Variants in OPCML observed in about 807,000 individuals in gnomAD.
OPCML encodes opioid-binding protein/cell adhesion molecule.
In OPCML, 13 loss-of-function variants were observed where a neutral mutation model predicts 37.8. The ratio of observed to expected loss-of-function variants is 0.34; its 90% CI spans 0.22 to 0.55. The LOEUF (loss-of-function observed/expected upper bound fraction) is 0.55. Ranked by LOEUF, OPCML falls within the 20% of genes least tolerant of loss-of-function variation. The probability of loss-of-function intolerance (pLI) is 0.91; values close to 1 mark genes in which losing one functional copy is unlikely to be tolerated. For synonymous variants in OPCML, 176 were observed against 168.8 expected, an observed-to-expected ratio of 1.04 and a Z score of -0.33; for missense variants, 341 against 435.6, an observed-to-expected ratio of 0.78 and a Z score of 1.93.
At chr11:133,373,295 G>A (rs1944716261) in intron 1 of OPCML, among the ~76,000 whole-genome samples, 1 of 151,612 alleles carries the variant, frequency 6.6e-6, no homozygotes, top group African/African-American at 2.4e-5. Flanking sequence ...AGCCGCAGGG[G>A]CTCACACCTG....
intron 1 of OPCML, among the ~76,000 whole-genome samples, chr11:133,356,523 A>G (rs1565589939): frequency 6.6e-6 from 1 of 152,186 alleles, no homozygotes; most frequent in Non-Finnish European, 1.5e-5. Flanking sequence ...CACCATGTGG[A>G]CAGAGGATCC....
chr11:132,683,404 G>T (rs977051858), intron 2 of OPCML, among the ~76,000 whole-genome samples: 37 of 152,234 alleles, frequency 2.4e-4, no homozygotes, highest in African/African-American at 8.4e-4. Context: ...GTTGACAGGT[G>T]CACTACTTTC....
intron 2 of OPCML, among the ~76,000 whole-genome samples, chr11:132,932,291 T>C (rs1945231863): frequency 6.6e-6 from 1 of 152,102 alleles, no homozygotes; most frequent in African/African-American, 2.4e-5. Context: ...ATATTTAAAA[T>C]TGGTTTACAT....
At chr11:132,852,837 G>T (rs1941874104) in intron 2 of OPCML, among the ~76,000 whole-genome samples, 1 of 151,770 alleles carries the variant, frequency 6.6e-6, no homozygotes, top group South Asian at 2.1e-4. Flanking sequence ...GGCAAGGCCT[G>T]CCGCCTGTGT....
At chr11:133,439,077 A>G (rs1197323321) in intron 1 of OPCML, 1 of 155,840 alleles carries the variant, frequency 6.4e-6, no homozygotes, top group Admixed American at 6.5e-5. Flanking sequence ...GGGCCTTTCT[A>G]ACAAATTATG....
chr11:133,277,602 G>A (rs568904665), intron 1 of OPCML, among the ~76,000 whole-genome samples: 29 of 152,084 alleles, frequency 1.9e-4, no homozygotes, highest in Admixed American at 1.3e-3. Flanking sequence ...TAAGTTACGC[G>A]AGGCCAGGTG....
chr11:133,146,602 CGT>C (rs1949901131), intron 1 of OPCML, among the ~76,000 whole-genome samples: 2 of 152,078 alleles, frequency 1.3e-5, no homozygotes, highest in African/African-American at 2.4e-5. Flanking sequence ...CATGAGCCAA[CGT>C]GCCTGGCCAT....
At chr11:133,433,527 G>C (rs1946170150) in intron 1 of OPCML, among the ~76,000 whole-genome samples, 1 of 152,148 alleles carries the variant, frequency 6.6e-6, no homozygotes, top group Non-Finnish European at 1.5e-5. Flanking sequence ...TGCGATTAAA[G>C]TGCATTCCTT....
chr11:132,517,766 T>C (rs777540333), intron 4 of OPCML, among the ~76,000 whole-genome samples: 15 of 152,198 alleles, frequency 9.9e-5, no homozygotes, highest in East Asian at 1.9e-4. Context: ...TTTGCTATGA[T>C]ACATGTTAAT....
At chr11:133,207,862 TCTC>T (rs376887060) in intron 1 of OPCML, among the ~76,000 whole-genome samples, 2 of 152,270 alleles carry the variant, frequency 1.3e-5, no homozygotes, top group East Asian at 3.9e-4. Context: ...CTGCCGTAGT[TCTC>T]CTCACACTCT....
chr11:133,291,872 C>G lies in OPCML; in HGVS notation c.61+240392G>C, dbSNP rs192869479. 2.6e-3 allele frequency among the ~76,000 whole-genome samples: 393 copies of G among 152,324 alleles called. 2 individuals carry two copies. The highest frequency in any genetic ancestry group is 9.1e-3 in the African/African-American group (379 of 41,578). Reference sequence around the variant, plus strand: ...ACACACATGCACACACACCAAGCCTCCCACCCCAGGGCCTGTGGCCGGCTT... The same window carrying G: ...ACACACATGCACACACACCAAGCCTGCCACCCCAGGGCCTGTGGCCGGCTT... On this transcript the variant is annotated intron_variant, in intron 1 of 7. Transcript: ENST00000524381.
At chr11:132,692,915 C>G (rs1007411394) in intron 2 of OPCML, among the ~76,000 whole-genome samples, 1 of 152,180 alleles carries the variant, frequency 6.6e-6, no homozygotes, top group African/African-American at 2.4e-5. Flanking sequence ...GCACAATTTT[C>G]CTAAAGCAGA....
chr11:133,126,274 C>T (rs1051725785), intron 1 of OPCML, among the ~76,000 whole-genome samples: 2 of 152,092 alleles, frequency 1.3e-5, no homozygotes, highest in Non-Finnish European at 2.9e-5. Context: ...TCAGCTCAAA[C>T]AGAAGCACAT....
chr11:133,234,223 A>G lies in OPCML; in HGVS notation c.62-291213T>C, dbSNP rs1359342569. 2.0e-5 allele frequency among the ~76,000 whole-genome samples: 3 copies of G among 152,302 alleles called. No individual in the cohort carries two copies. In the East Asian group the frequency reaches 5.8e-4, roughly 29 times the overall value. On this transcript the variant is annotated intron_variant, in intron 1 of 7. Coordinates refer to ENST00000524381, the MANE Select transcript of OPCML (RefSeq NM_001012393.5). ...TTAAAATTTTGTTTTGTTTTCTAAA[A>G]AAAAAAGAAACAAAAAGCAAAACCA...
chr11:133,422,960 T>A (rs1945922537), intron 1 of OPCML: 2 of 985,276 alleles, frequency 2.0e-6, no homozygotes, highest in Admixed American at 6.1e-5. Context: ...TCTGATGGCA[T>A]GTCATATAAT....
chr11:133,093,554 T>C (rs1591994762), intron 1 of OPCML, among the ~76,000 whole-genome samples: 1 of 152,194 alleles, frequency 6.6e-6, no homozygotes, highest in East Asian at 1.9e-4. Flanking sequence ...CTCATAGTGA[T>C]CTATGAAATT....
intron 1 of OPCML, among the ~76,000 whole-genome samples, chr11:132,944,173 TC>T (rs969356476): frequency 1.4e-5 from 2 of 144,850 alleles, no homozygotes; most frequent in Non-Finnish European, 3.0e-5. Flanking sequence ...CGCAGCGGCT[TC>T]CCCTACAGAG....
chr11:132,603,900 A>T (rs954608670), intron 3 of OPCML, among the ~76,000 whole-genome samples: 1 of 152,076 alleles, frequency 6.6e-6, no homozygotes, highest in Non-Finnish European at 1.5e-5. Flanking sequence ...CCAGCTTCCA[A>T]TTCCTCCCTG....
At chr11:133,219,337 T>C (rs1033751843) in intron 1 of OPCML, among the ~76,000 whole-genome samples, 6 of 152,242 alleles carry the variant, frequency 3.9e-5, no homozygotes, top group Admixed American at 3.9e-4. Flanking sequence ...AATGGTGGAA[T>C]GTTCTGTAAC....
Sources: allele counts gnomAD v4.1 joint callset (sites outside exome capture counted in the v4.1 genomes callset), GRCh38; gene constraint gnomAD v4.1.1; transcripts MANE v1.5; gene names NCBI Gene and HGNC (gene_info 2026-07-23, HGNC 2026-07-21).